Variants in CD163L1 observed in about 807,000 individuals in gnomAD.
CD163L1 encodes the protein CD163 molecule like 1, also known as scavenger receptor cysteine-rich type 1 protein M160.
CD163L1 carries 124 observed loss-of-function variants against 165.4 expected under a neutral mutation model. That is an observed-to-expected ratio of 0.75 (90% confidence interval 0.65 to 0.87). The LOEUF is 0.87. Among genes scored for constraint, CD163L1 ranks in the 40% least tolerant of loss-of-function variants. The pLI is 0.00. For missense variants in CD163L1, 1,525 were observed against 1,799.9 expected, an observed-to-expected ratio of 0.85 and a Z score of 2.76; for synonymous variants, 585 against 662.2, an observed-to-expected ratio of 0.88 and a Z score of 1.79.
chr12:7,435,912 T>C (rs1334340993), intron 2 of CD163L1, among the ~76,000 whole-genome samples: 3 of 152,162 alleles, frequency 2.0e-5, no homozygotes, highest in Admixed American at 6.5e-5. Flanking sequence ...AGCTTAGAAA[T>C]ATAATATTGA....
In CD163L1 at chr12:7,421,029, A is replaced by ACG. The variant is rs1204174957; in HGVS notation, c.766+11386_766+11387insCG. ...TATATACGTGTATATATATACATAT[A>ACG]TATATACGTGTATATATATGTATAT... is the stretch of plus-strand genomic sequence containing the variant. On this transcript the variant is annotated intron_variant, in intron 4 of 19. Transcript: ENST00000313599. Among the ~76,000 whole-genome samples the ACG allele has an allele frequency of 5.0e-3, 525 of 104,964 alleles. 6 individuals are homozygous for ACG. The highest frequency in any genetic ancestry group is 0.028 in the African/African-American group (478 of 17,118). The allele number at this position is 104,964 out of a possible 152,430, so 68.9% of individuals were successfully genotyped here.
Position 7,432,782 on chromosome 12 carries a change from A to G in CD163L1, c.446-46T>C. Reference sequence around the variant, plus strand: ...CATATGAAAAACTGATTCAACTTTGAGCCTGAAATAAAATCAAAAGGATAC... The same window carrying G: ...CATATGAAAAACTGATTCAACTTTGGGCCTGAAATAAAATCAAAAGGATAC... On this transcript the variant is annotated intron_variant, in intron 3 of 19. Transcript: ENST00000313599. The surrounding 1 kb of genome is among the most constrained non-coding windows in gnomAD (Gnocchi z 4.2). 1 of 1,486,090 alleles carries G rather than the reference A, an allele frequency of 6.7e-7. No individual in the cohort carries two copies. The allele number at this position is 1,486,090 out of a possible 1,614,324, so 92.1% of individuals were successfully genotyped here. A position where few individuals can be genotyped will look rare whatever the true frequency, so the allele number is the denominator to read the frequency against.
Position 7,368,048 on chromosome 12 carries a change from G to C in CD163L1, c.4183+39C>G. 1 of 1,182,612 alleles carries C rather than the reference G, an allele frequency of 8.5e-7. No individual in the cohort carries two copies. 73.3% of individuals were successfully genotyped at this position (1,182,612 alleles called of 1,614,324 possible). A position where few individuals can be genotyped will look rare whatever the true frequency, so the allele number is the denominator to read the frequency against. On this transcript the variant is annotated intron_variant, in intron 17 of 19. Transcript: ENST00000313599. This position sits in a 1 kb window ranked among gnomAD's most constrained non-coding sequence, Gnocchi z 4.3. ...CCCATCCTGTGTGCCCTTGGTGGCAGGTAACTCACATTTTATACAATCCTA... is the reference window on the plus strand; with the variant it reads ...CCCATCCTGTGTGCCCTTGGTGGCACGTAACTCACATTTTATACAATCCTA...
intron 4 of CD163L1, among the ~76,000 whole-genome samples, chr12:7,411,551 C>T (rs1420696652): frequency 1.3e-5 from 2 of 152,144 alleles, no homozygotes; most frequent in African/African-American, 4.8e-5. Flanking sequence ...CCACCTTGCT[C>T]CCTTCTCTCT....
intron 9 of CD163L1, 74 bp downstream of exon 9, chr12:7,378,904 C>T: frequency 7.1e-7 from 1 of 1,408,062 alleles, no homozygotes. Context: ...TAAATAGCCA[C>T]TTCATAAACA....
At chr12:7,415,899 T>A (rs1948229381) in intron 4 of CD163L1, among the ~76,000 whole-genome samples, 1 of 152,222 alleles carries the variant, frequency 6.6e-6, no homozygotes, top group African/African-American at 2.4e-5. Context: ...AGTGCATGTA[T>A]CTTTATAGTA....
Position 7,373,561 on chromosome 12 carries a change from G to A in CD163L1, c.3489C>T (p.Thr1163=), listed in dbSNP as rs1947189611. ...AGRLEVFYNG[T]WGSVGRRNIT... is the part of the protein sequence containing the mutation. The stretch of plus-strand genomic sequence containing the variant: ...TGTTCCTCCTGCCGACGCTGCCCCA[G>A]GTCCCGTTATAGAAGACTTCCAATC... The change falls in exon 14 of 20, where the codon ACC becomes ACT. Residue 1163 remains threonine (T), a synonymous_variant. Transcript: ENST00000313599. 2.5e-6 allele frequency: 4 copies of A among 1,614,084 alleles called. No individual in the cohort carries two copies. The highest frequency in any genetic ancestry group is 4.5e-5 in the East Asian group (2 of 44,880).
chr12:7,373,738 G>A, intron 13 of CD163L1, 98 bp from the exon 14 acceptor site: 1 of 973,930 alleles, frequency 1.0e-6, no homozygotes. Flanking sequence ...AATACATTAG[G>A]GCTCACAATA....
intron 6 of CD163L1, among the ~76,000 whole-genome samples, chr12:7,399,306 TTTC>T (rs1430188378): frequency 6.6e-6 from 1 of 151,198 alleles, no homozygotes; most frequent in Non-Finnish European, 1.5e-5. Flanking sequence ...CTCTCCTTTC[TTTC>T]TTTTCTTTCT....
chr12:7,424,337 C>A (rs895274423), intron 4 of CD163L1, among the ~76,000 whole-genome samples: 3 of 151,300 alleles, frequency 2.0e-5, no homozygotes, highest in Non-Finnish European at 2.9e-5. Flanking sequence ...GAAGACATCT[C>A]AAAATAATAA....
chr12:7,376,818 A>G (rs1241899799), intron 9 of CD163L1, among the ~76,000 whole-genome samples: 1 of 152,304 alleles, frequency 6.6e-6, no homozygotes, highest in Non-Finnish European at 1.5e-5. Context: ...AGCCACCATC[A>G]TTACTTGCCT....
chr12:7,358,972 C>G (rs772326324), intron 18 of CD163L1, among the ~76,000 whole-genome samples: 2 of 151,854 alleles, frequency 1.3e-5, no homozygotes, highest in African/African-American at 4.8e-5. Flanking sequence ...AAGGGCTCAT[C>G]AATGGACTGG....
chr12:7,431,042 G>C (rs1299695131), intron 4 of CD163L1, among the ~76,000 whole-genome samples: 1 of 152,156 alleles, frequency 6.6e-6, no homozygotes, highest in Admixed American at 6.5e-5. Flanking sequence ...ACTGGGGAGA[G>C]GTCGTTGCTT....
In CD163L1 at chr12:7,432,761, T is replaced by A. The variant is rs774595013; in HGVS notation, c.446-25A>T. The A allele has an allele frequency of 8.4e-6, 13 of 1,545,702 alleles. No individual in the cohort carries two copies. In the South Asian group the frequency reaches 1.6e-4, roughly 19 times the overall value. On this transcript the variant is annotated intron_variant, in intron 3 of 19. Coordinates refer to ENST00000313599, the MANE Select transcript of CD163L1 (RefSeq NM_174941.6). This position sits in a 1 kb window ranked among gnomAD's most constrained non-coding sequence, Gnocchi z 4.2. ...CCTACGAGAAAGACAAGCAGACATA[T>A]GAAAAACTGATTCAACTTTGAGCCT...
chr12:7,321,025 C>G, the CD163L1 span, among the ~76,000 whole-genome samples: 2 of 152,180 alleles, frequency 1.3e-5, no homozygotes, highest in Non-Finnish European at 2.9e-5. Flanking sequence ...TCCTCCTCCC[C>G]ATTTGTGAAA....
At chr12:7,339,067 G>A in the CD163L1 span, among the ~76,000 whole-genome samples, 60 of 152,206 alleles carry the variant, frequency 3.9e-4, no homozygotes, top group Non-Finnish European at 6.0e-4. Context: ...GATAATAAAT[G>A]TATGAAGAGA....
rs778610810 is a variant in CD163L1 at position 7,375,495 on chromosome 12, C to T, written c.2787G>A (p.Trp929Ter). The T allele has an allele frequency of 1.9e-6, 3 of 1,614,128 alleles. No individual in the cohort carries two copies. The highest frequency in any genetic ancestry group is 1.7e-5 in the Admixed American group (1 of 60,026). Residue 929 changes from tryptophan (W) to a stop codon, truncating the protein, a stop_gained, in exon 11 of 20, where the codon TGG (tryptophan) becomes TGA (stop). Coordinates refer to ENST00000313599, the MANE Select transcript of CD163L1 (RefSeq NM_174941.6). LOFTEE classifies it high-confidence loss of function. ...GHWGSLCDTH[W>*]DPEDARVLCR... ...ATAGAACACGGGCATCTTCTGGGTCCCAGTGGGTGTCACACAGTGAGCCCC... is the reference window on the plus strand; with the variant it reads ...ATAGAACACGGGCATCTTCTGGGTCTCAGTGGGTGTCACACAGTGAGCCCC...
rs751525575 is a variant in CD163L1 at position 7,374,043 on chromosome 12, C to A, written c.3409+399G>T. Among the ~76,000 whole-genome samples the A allele has an allele frequency of 1.9e-3, 286 of 152,272 alleles. 1 individual carries two copies. Among genetic ancestry groups the A allele is most frequent in the African/African-American group, 6.5e-3 (271 of 41,552 alleles). ...TAAAGACCCTTCCTCATCCCTCTTT[C>A]CTCTTACCACTAGAGACAGAAACTA... On this transcript the variant is annotated intron_variant, in intron 13 of 19. Transcript: ENST00000313599. This position sits in a 1 kb window ranked among gnomAD's most constrained non-coding sequence, Gnocchi z 5.4.
chr12:7,417,761 A>T (rs1948274842), intron 4 of CD163L1, among the ~76,000 whole-genome samples: 1 of 151,898 alleles, frequency 6.6e-6, no homozygotes, highest in Non-Finnish European at 1.5e-5. Context: ...AGGGATGAAG[A>T]CGACTTGATC....
Sources: gnomAD v4.1 joint callset for allele counts (sites outside exome capture counted in the v4.1 genomes callset) on GRCh38, gnomAD v4.1.1 for gene constraint, Gnocchi (gnomAD v3.1) non-coding constraint, MANE v1.5 for transcripts, NCBI Gene and HGNC (gene_info 2026-07-23, HGNC 2026-07-21) for gene names.